HSD17B12: variants seen among roughly 807,000 people sequenced by gnomAD.
HSD17B12 encodes the protein hydroxysteroid 17-beta dehydrogenase 12.
HSD17B12 carries 32 observed loss-of-function variants against 39.3 expected under a neutral mutation model. The observed-to-expected ratio is 0.81, with a 90% confidence interval of 0.61 to 1.09. The LOEUF is 1.09. Ranked by LOEUF, HSD17B12 falls within the 50% of genes least tolerant of loss-of-function variation. The pLI is 0.00. For synonymous variants in HSD17B12, 150 were observed against 146.7 expected, an observed-to-expected ratio of 1.02 and a Z score of -0.16; for missense variants, 342 against 382.9, an observed-to-expected ratio of 0.89 and a Z score of 0.89.
At chr11:43,834,320 C>T (rs1399413183) in intron 7 of HSD17B12, among the ~76,000 whole-genome samples, 2 of 151,638 alleles carry the variant, frequency 1.3e-5, no homozygotes, top group Non-Finnish European at 2.9e-5. Flanking sequence ...CAAGAGCCTG[C>T]TTTTGTACTC....
chr11:43,566,719 G>A, the HSD17B12 span, among the ~76,000 whole-genome samples: 1 of 152,076 alleles, frequency 6.6e-6, no homozygotes, highest in East Asian at 1.9e-4. Context: ...TATTAGAGAC[G>A]GGGTTTCACC....
intron 1 of HSD17B12, among the ~76,000 whole-genome samples, chr11:43,716,252 G>A (rs1316696727): frequency 6.6e-6 from 1 of 152,124 alleles, no homozygotes; most frequent in African/African-American, 2.4e-5. Flanking sequence ...TGGAGGGACT[G>A]ATGAAAACAA....
intron 1 of HSD17B12, among the ~76,000 whole-genome samples, chr11:43,717,249 T>C (rs1391267485): frequency 6.6e-6 from 1 of 152,248 alleles, no homozygotes; most frequent in Non-Finnish European, 1.5e-5. Flanking sequence ...TTCACTGTTT[T>C]CTCAGGGCCT....
At chr11:43,744,085 G>GA (rs1736736469) in intron 1 of HSD17B12, among the ~76,000 whole-genome samples, 1 of 152,142 alleles carries the variant, frequency 6.6e-6, no homozygotes, top group East Asian at 1.9e-4. Context: ...TAAAGTTGAA[G>GA]AAATTTATAG....
At chr11:43,566,199 T>C in the HSD17B12 span, among the ~76,000 whole-genome samples, 3 of 152,252 alleles carry the variant, frequency 2.0e-5, no homozygotes, top group African/African-American at 4.8e-5. Context: ...TACATACCTC[T>C]TTGCACAGTA....
chr11:43,819,854 T>G (rs1363463594), intron 6 of HSD17B12, among the ~76,000 whole-genome samples: 1 of 152,232 alleles, frequency 6.6e-6, no homozygotes, highest in Non-Finnish European at 1.5e-5. Context: ...CACTTCTTCA[T>G]GGAGCCAAAT....
chr11:43,764,249 T>C (rs926605795), intron 3 of HSD17B12, among the ~76,000 whole-genome samples: 17 of 152,266 alleles, frequency 1.1e-4, no homozygotes, highest in Admixed American at 1.0e-3. Flanking sequence ...TAATGACTAG[T>C]TGTTAGCCAA....
At chr11:43,655,515 C>T in the HSD17B12 span, among the ~76,000 whole-genome samples, 1 of 152,108 alleles carries the variant, frequency 6.6e-6, no homozygotes, top group Non-Finnish European at 1.5e-5. Flanking sequence ...CAGTTTTTGC[C>T]CATTCAGTAT....
In HSD17B12 at chr11:43,788,685, C is replaced by CA. The variant is rs57970272; in HGVS notation, c.284-9611dup. ...ACTCTGCCACCGTCATTTCCTTCCT[C>CA]AAAAAAAAAAAAAAAAAAAAAAAAG... On this transcript the variant is annotated intron_variant, in intron 3 of 10. Coordinates refer to ENST00000278353, the MANE Select transcript of HSD17B12 (RefSeq NM_016142.3). Among the ~76,000 whole-genome samples the CA allele has an allele frequency of 4.7e-3, 475 of 100,758 alleles. 1 individual carries two copies. The highest frequency in any genetic ancestry group is 6.7e-3 in the East Asian group (26 of 3,898). 66.1% of individuals were successfully genotyped at this position (100,758 alleles called of 152,430 possible).
At chr11:43,719,171 A>G in intron 1 of HSD17B12, 1 of 746,134 alleles carries the variant, frequency 1.3e-6, no homozygotes, top group Non-Finnish European at 2.5e-6. Context: ...GCTAATTCTA[A>G]ATATATGTAT....
At chr11:43,829,218 C>T (rs558459570) in intron 6 of HSD17B12, among the ~76,000 whole-genome samples, 1 of 152,274 alleles carries the variant, frequency 6.6e-6, no homozygotes, top group African/African-American at 2.4e-5. Context: ...ATCCTCTAGT[C>T]GTTGAGCATT....
At chr11:43,816,212 A>G (rs1239018941) in intron 5 of HSD17B12, 135 bp from the exon 6 acceptor site, 2 of 652,556 alleles carry the variant, frequency 3.1e-6, no homozygotes, top group Admixed American at 8.9e-5. Flanking sequence ...TCTCTACCCC[A>G]ACTCTTGTCA....
chr11:43,734,225 G>T, intron 1 of HSD17B12: 1 of 1,512,646 alleles, frequency 6.6e-7, no homozygotes, highest in Non-Finnish European at 9.1e-7. Flanking sequence ...GGAGCGAGCA[G>T]CCACCTTTGG....
intron 1 of HSD17B12, among the ~76,000 whole-genome samples, chr11:43,741,971 T>C (rs1422579647): frequency 6.6e-6 from 1 of 150,430 alleles, no homozygotes; most frequent in African/African-American, 2.4e-5. Context: ...CCTGACCTCA[T>C]GATCTGCCTG....
chr11:43,757,716 C>CAAA (rs141525576), intron 3 of HSD17B12, among the ~76,000 whole-genome samples: 1 of 130,010 alleles, frequency 7.7e-6, no homozygotes, highest in African/African-American at 2.8e-5. Context: ...AAAGCACACA[C>CAAA]AAAAAAAACA....
chr11:43,731,819 T>G (rs1339412318), intron 1 of HSD17B12, among the ~76,000 whole-genome samples: 1 of 152,074 alleles, frequency 6.6e-6, no homozygotes, highest in Non-Finnish European at 1.5e-5. Context: ...TGTACACATG[T>G]GCAATTGAGC....
At chr11:43,575,204 T>C in the HSD17B12 span, among the ~76,000 whole-genome samples, 1 of 152,210 alleles carries the variant, frequency 6.6e-6, no homozygotes, top group Non-Finnish European at 1.5e-5. The surrounding 1 kb of genome is among the most constrained non-coding windows in gnomAD (Gnocchi z 4.1). Context: ...GGATCATTGC[T>C]CTCTGGGAAG....
chr11:43,753,008 A>T (rs1418809261), intron 2 of HSD17B12, among the ~76,000 whole-genome samples: 1 of 152,166 alleles, frequency 6.6e-6, no homozygotes, highest in Non-Finnish European at 1.5e-5. Context: ...TTGCTAAATC[A>T]CTTTTAGTTG....
the HSD17B12 span, among the ~76,000 whole-genome samples, chr11:43,614,679 C>T: frequency 2.6e-5 from 4 of 152,014 alleles, no homozygotes; most frequent in Admixed American, 6.6e-5. Context: ...CCTACAGTTC[C>T]CTAGGACTTT....
Sources: allele counts gnomAD v4.1 joint callset (sites outside exome capture counted in the v4.1 genomes callset), GRCh38; gene constraint gnomAD v4.1.1; non-coding constraint Gnocchi (gnomAD v3.1); transcripts MANE v1.5; gene names NCBI Gene and HGNC (gene_info 2026-07-23, HGNC 2026-07-21).